MROH2B: variants seen among roughly 807,000 people sequenced by gnomAD.
The protein encoded by MROH2B is maestro heat like repeat family member 2B.
A neutral mutation model predicts 208.6 loss-of-function variants in MROH2B; 177 were observed. That is an observed-to-expected ratio of 0.85 (90% confidence interval 0.75 to 0.96). The LOEUF is 0.96. MROH2B is among the 40% of genes least tolerant of loss of function. The pLI is 0.00. For missense variants in MROH2B, 2,002 were observed against 1,878.7 expected (o/e 1.07, Z -1.21); for synonymous variants, 728 against 659.0 (o/e 1.10, Z -1.60).
At chr5:41,041,861 A>G (rs13157706) in intron 19 of MROH2B, among the ~76,000 whole-genome samples, 47,990 of 152,114 alleles carry the variant, frequency 0.32, 8,295 homozygotes, top group Non-Finnish European at 0.39. Flanking sequence ...GTTAGGTAAG[A>G]ATTATTGAAA....
rs1174546363 is a variant in MROH2B, at chr5:41,033,123, G to C, written c.2279C>G (p.Thr760Ser). ...DLQMSFTRSI[T>S]EIGIAVQDAE... ...ATCTTGGACAGCAATGCCAATCTCA[G>C]TGATGCTTCTTGTGAAACTCATTTG... Residue 760 changes from threonine (T) to serine (S), a missense_variant, in exon 23 of 42, where the codon ACT becomes AGT. Transcript: ENST00000399564. 3 of 1,612,978 alleles carry C rather than the reference G, an allele frequency of 1.9e-6. No homozygotes were observed. In the South Asian group the frequency reaches 3.3e-5, roughly 18 times the overall value.
At chr5:41,060,446 G>T (rs1472859431) in intron 6 of MROH2B, among the ~76,000 whole-genome samples, 1 of 152,018 alleles carries the variant, frequency 6.6e-6, no homozygotes, top group African/African-American at 2.4e-5. Flanking sequence ...CATCTTTCTG[G>T]TTTCATTTCT....
rs769890707 is a variant in MROH2B, at chr5:41,018,969, C to T, written c.2491G>A (p.Glu831Lys). Residue 831 changes from glutamate to lysine, a missense_variant, in exon 25 of 42, where the codon GAG becomes AAG. Physicochemically the swap from Glu to Lys is moderately conservative, Grantham distance 56. Transcript: ENST00000399564. ...SLQDHLNILE[E>K]NIRRLLPLPP... ...AGGGGCAGCAGCCTCCGAATATTCT[C>T]CTCAAGAATGTTAAGGTGGTCTTGT... 51 of 1,613,700 alleles carry T rather than the reference C, an allele frequency of 3.2e-5. No homozygotes were observed. The highest frequency in any genetic ancestry group is 3.6e-5 in the Non-Finnish European group (43 of 1,179,862).
chr5:41,013,094 T>A (rs1300614633), intron 29 of MROH2B, among the ~76,000 whole-genome samples: 2 of 152,240 alleles, frequency 1.3e-5, no homozygotes, highest in African/African-American at 4.8e-5. Context: ...AACATTCATA[T>A]ATCATAGAAA....
chr5:41,032,700 G>A (rs1356721926), intron 24 of MROH2B, 42 bp downstream of exon 24: 8 of 1,522,768 alleles, frequency 5.3e-6, no homozygotes, highest in Non-Finnish European at 6.3e-6. Context: ...GAGGATAAGG[G>A]GGAAAATACT....
chr5:41,066,854 T>G (rs935713123), intron 3 of MROH2B, among the ~76,000 whole-genome samples: 2 of 152,216 alleles, frequency 1.3e-5, no homozygotes, highest in African/African-American at 4.8e-5. Flanking sequence ...GAAAAAAACA[T>G]ATCTCTAATG....
intron 24 of MROH2B, among the ~76,000 whole-genome samples, chr5:41,019,353 T>A (rs72751648): frequency 3.0e-4 from 37 of 121,770 alleles, no homozygotes; most frequent in African/African-American, 1.1e-3. Context: ...TGAGAGAGAG[T>A]GAGAAAGAGA....
Position 41,018,707 on chromosome 5 carries a change from C to G in MROH2B, c.2657G>C (p.Cys886Ser), listed in dbSNP as rs765556169. The G allele has an allele frequency of 7.4e-6, 12 of 1,613,796 alleles. No individual in the cohort carries two copies. Among genetic ancestry groups the G allele is most frequent in the Non-Finnish European group, 6.8e-6 (8 of 1,179,860 alleles). Residue 886 changes from cysteine (C) to serine (S), a missense_variant, in exon 26 of 42, where the codon TGT (cysteine) becomes TCT (serine). Cys to Ser is a moderately radical substitution (Grantham distance 112). Transcript: ENST00000399564. ...MMWDNVNAED[C>S]QEMFNLLQMW... ...TCTACTCACATTAAACATTTCTTGA[C>G]AGTCCTCTGCATTCACATTATCCCA...
chr5:41,041,492 CA>C (rs1269082533), intron 19 of MROH2B, among the ~76,000 whole-genome samples: 2 of 152,050 alleles, frequency 1.3e-5, no homozygotes, highest in Non-Finnish European at 2.9e-5. Context: ...GGCATGGTAG[CA>C]GACACCTGTA....
Position 41,038,827 on chromosome 5 carries a change from A to T in MROH2B, c.2123T>A (p.Val708Glu). 1 of 1,613,490 alleles carries T rather than the reference A, an allele frequency of 6.2e-7. No individual in the cohort carries two copies. Residue 708 changes from valine (V) to glutamate (E), a missense_variant, in exon 21 of 42, where the codon GTG becomes GAG. Transcript: ENST00000399564. ...KTDVMVIYGA[V>E]ALHAPKKQLL... ...TTGCTTCTTGGGAGCATGGAGGGCC[A>T]CTGCTCCATAGATGACCATGACATC...
At chr5:41,032,290 T>C (rs930077918) in intron 24 of MROH2B, among the ~76,000 whole-genome samples, 3 of 152,148 alleles carry the variant, frequency 2.0e-5, no homozygotes, top group African/African-American at 7.2e-5. Flanking sequence ...TATCTTATTG[T>C]GGTTTTAACT....
intron 32 of MROH2B, 94 bp from the exon 33 acceptor site, chr5:41,008,887 G>A (rs1194431336): frequency 4.8e-6 from 6 of 1,249,760 alleles, no homozygotes; most frequent in South Asian, 1.5e-5. Context: ...TTCTCCACCA[G>A]TAAAAACACA....
At chr5:41,033,426 G>C (rs1742643019) in intron 22 of MROH2B, among the ~76,000 whole-genome samples, 1 of 152,074 alleles carries the variant, frequency 6.6e-6, no homozygotes, top group Non-Finnish European at 1.5e-5. Context: ...GTAGGAAACA[G>C]TTTACAATTC....
rs1287495883 is a variant in MROH2B at position 41,047,892 on chromosome 5, T to C, written c.1685-128A>G. The C allele has an allele frequency of 5.2e-6, 4 of 773,604 alleles. No individual in the cohort carries two copies. The African/African-American group carries it at 5.3e-5, about 10-fold the overall frequency. The allele number at this position is 773,604 out of a possible 1,614,324, so 47.9% of individuals were successfully genotyped here. A position where few individuals can be genotyped will look rare whatever the true frequency, so the allele number is the denominator to read the frequency against. ...CTTTCTTTTTGCTCATAATGCTTAT[T>C]TGAGATCAAATTTACTACACTGGCA... On this transcript the variant is annotated intron_variant, in intron 16 of 41. Coordinates refer to ENST00000399564, the MANE Select transcript of MROH2B (RefSeq NM_173489.5).
chr5:41,018,040 G>A, intron 27 of MROH2B, 70 bp from the exon 28 acceptor site: 1 of 1,498,786 alleles, frequency 6.7e-7, no homozygotes, highest in African/African-American at 1.4e-5. Context: ...TCCCAACACT[G>A]GATCTCAAGT....
At chr5:41,042,532 G>C (rs1742987836) in intron 18 of MROH2B, among the ~76,000 whole-genome samples, 1 of 152,144 alleles carries the variant, frequency 6.6e-6, no homozygotes, top group Non-Finnish European at 1.5e-5. Flanking sequence ...TATTTCCACT[G>C]TATAGTTCCT....
In MROH2B at chr5:41,070,711, G is replaced by A. The variant is rs73750240; in HGVS notation, c.28+114C>T. The stretch of plus-strand genomic sequence containing the variant: ...CATACCATTTCATAAATCCTTTGAG[G>A]TGTACAGTCCTCCCACAATGACGCG... On this transcript the variant is annotated intron_variant, in intron 1 of 41. Coordinates refer to ENST00000399564, the MANE Select transcript of MROH2B (RefSeq NM_173489.5). The A allele has an allele frequency of 5.6e-3, 5,516 of 985,666 alleles. 198 individuals are homozygous for A. In the African/African-American group the frequency reaches 0.077, roughly 14 times the overall value. 61.1% of individuals were successfully genotyped at this position (985,666 alleles called of 1,614,324 possible). A position where few individuals can be genotyped will look rare whatever the true frequency, so the allele number is the denominator to read the frequency against.
intron 24 of MROH2B, among the ~76,000 whole-genome samples, chr5:41,019,454 A>C (rs1742073377): frequency 6.6e-6 from 1 of 152,196 alleles, no homozygotes; most frequent in Non-Finnish European, 1.5e-5. Flanking sequence ...GTCTCTTTTC[A>C]TGTTCTAAAT....
intron 13 of MROH2B, among the ~76,000 whole-genome samples, chr5:41,049,727 C>A (rs1370225313): frequency 6.6e-6 from 1 of 152,166 alleles, no homozygotes; most frequent in African/African-American, 2.4e-5. Context: ...GGAATGCTAG[C>A]ATCCCTGAGC....
Sources: allele counts gnomAD v4.1 joint callset (sites outside exome capture counted in the v4.1 genomes callset), GRCh38; gene constraint gnomAD v4.1.1; transcripts MANE v1.5; gene names NCBI Gene and HGNC (gene_info 2026-07-23, HGNC 2026-07-21).